PCED1B: variants seen among roughly 807,000 people sequenced by gnomAD.
The protein encoded by PCED1B is PC-esterase domain-containing protein 1B.
For missense variants in PCED1B, 573 were observed against 573.9 expected (o/e 1.00, Z 0.02); for synonymous variants, 251 against 246.1 (o/e 1.02, Z -0.19).
At chr12:47,100,855 A>T (rs1938672642) in intron 1 of PCED1B, among the ~76,000 whole-genome samples, 1 of 152,032 alleles carries the variant, frequency 6.6e-6, no homozygotes, top group Non-Finnish European at 1.5e-5. Flanking sequence ...ATCATCTGAG[A>T]TCAGGAGTTC....
intron 3 of PCED1B, among the ~76,000 whole-genome samples, 177 bp from the exon 4 acceptor site, chr12:47,234,830 C>G (rs1283092593): frequency 6.6e-6 from 1 of 152,148 alleles, no homozygotes; most frequent in African/African-American, 2.4e-5. Flanking sequence ...CCTGCCCTCT[C>G]GCCAATCTCC....
At chr12:47,168,298 C>T (rs77115398) in intron 2 of PCED1B, among the ~76,000 whole-genome samples, 3,329 of 152,202 alleles carry the variant, frequency 0.022, 96 homozygotes, top group African/African-American at 0.063. Flanking sequence ...ATTGTGTTAG[C>T]TTATATTTTG....
chr12:47,109,468 G>GA (rs34146205), intron 2 of PCED1B, among the ~76,000 whole-genome samples: 3,085 of 152,010 alleles, frequency 0.02, 46 homozygotes, highest in Non-Finnish European at 0.034. Flanking sequence ...TTTAGTTGAG[G>GA]ATTCTGGGAA....
chr12:47,090,699 A>G (rs1938225920), intron 1 of PCED1B, among the ~76,000 whole-genome samples: 1 of 152,244 alleles, frequency 6.6e-6, no homozygotes, highest in South Asian at 2.1e-4. Context: ...AATGGAATAT[A>G]TGCTTTTTTG....
chr12:47,186,238 G>T (rs1942262225), intron 2 of PCED1B, among the ~76,000 whole-genome samples: 1 of 148,842 alleles, frequency 6.7e-6, no homozygotes, highest in South Asian at 2.1e-4. Flanking sequence ...AAAAAAAAAA[G>T]AACTTGAACT....
At chr12:47,153,355 CAAAAAAAA>C in intron 2 of PCED1B, among the ~76,000 whole-genome samples, 1 of 95,272 alleles carries the variant, frequency 1.0e-5, no homozygotes, top group Middle Eastern at 5.5e-3. Context: ...GACTCCTTCT[CAAAAAAAA>C]AAAAAAAAAA....
chr12:47,102,667 G>GT (rs1432923253), intron 1 of PCED1B, among the ~76,000 whole-genome samples: 3 of 152,264 alleles, frequency 2.0e-5, no homozygotes, highest in Non-Finnish European at 4.4e-5. Flanking sequence ...TCGCTTGTGT[G>GT]TCCAATGGGC....
intron 2 of PCED1B, among the ~76,000 whole-genome samples, chr12:47,168,727 T>C (rs1941623908): frequency 6.6e-6 from 1 of 152,186 alleles, no homozygotes; most frequent in African/African-American, 2.4e-5. Flanking sequence ...GAAATAATTT[T>C]GAATTTTGGT....
At chr12:47,188,784 G>T (rs968950076) in intron 2 of PCED1B, among the ~76,000 whole-genome samples, 1 of 152,180 alleles carries the variant, frequency 6.6e-6, no homozygotes, top group Non-Finnish European at 1.5e-5. Context: ...GAACTCAGAG[G>T]ACCATTGGGA....
At chr12:47,091,524 A>G (rs1014956529) in intron 1 of PCED1B, among the ~76,000 whole-genome samples, 1 of 152,002 alleles carries the variant, frequency 6.6e-6, no homozygotes, top group African/African-American at 2.4e-5. Context: ...AATTTGGGGG[A>G]ACAGAAGTTT....
intron 2 of PCED1B, among the ~76,000 whole-genome samples, chr12:47,114,856 A>G (rs1343232430): frequency 1.3e-5 from 2 of 152,144 alleles, no homozygotes; most frequent in South Asian, 2.1e-4. Flanking sequence ...TTACACTTTC[A>G]TTTTTCCTGC....
At chr12:47,222,301 A>G (rs1943506177) in intron 3 of PCED1B, among the ~76,000 whole-genome samples, 1 of 151,170 alleles carries the variant, frequency 6.6e-6, no homozygotes, top group Admixed American at 6.6e-5. Flanking sequence ...ACGTGCCTGT[A>G]ATTCCAGCTA....
Position 47,236,216 on chromosome 12 carries a change from C to T in PCED1B, c.1153C>T (p.Pro385Ser), listed in dbSNP as rs1943981049. 1 of 1,614,122 alleles carries T rather than the reference C, an allele frequency of 6.2e-7. No individual in the cohort carries two copies. The highest frequency in any genetic ancestry group is 8.5e-7 in the Non-Finnish European group (1 of 1,180,026). The change falls in exon 4 of 4, where the codon CCC becomes TCC. Residue 385 changes from proline to serine, a missense_variant. Coordinates refer to ENST00000546455, the MANE Select transcript of PCED1B (RefSeq NM_138371.3). ...TCCTCAGCTGCCTATGCCCTTCTTC[C>T]CCACACCCCGTTATCAGCGGCCTGC... ...VGPQLPMPFF[P>S]TPRYQRPAPV...
intron 1 of PCED1B, among the ~76,000 whole-genome samples, chr12:47,084,214 C>T (rs1447785593): frequency 1.3e-5 from 2 of 152,130 alleles, no homozygotes; most frequent in Non-Finnish European, 1.5e-5. Context: ...TGAGCAAAAT[C>T]GTCTAACACA....
intron 1 of PCED1B, among the ~76,000 whole-genome samples, chr12:47,100,019 G>A (rs959055102): frequency 2.0e-5 from 3 of 152,108 alleles, no homozygotes; most frequent in Non-Finnish European, 4.4e-5. Context: ...TTACATACTT[G>A]GAAAAAGGAC....
At chr12:47,228,879 A>C (rs1430243797) in intron 3 of PCED1B, among the ~76,000 whole-genome samples, 1 of 151,388 alleles carries the variant, frequency 6.6e-6, no homozygotes, top group Non-Finnish European at 1.5e-5. Context: ...GTCTCAAAAA[A>C]AAAAAGTTAC....
chr12:47,158,716 T>C (rs567395126), intron 2 of PCED1B, among the ~76,000 whole-genome samples: 1 of 152,324 alleles, frequency 6.6e-6, no homozygotes, highest in South Asian at 2.1e-4. Context: ...ACTGTAATAA[T>C]CAAGTCAGGG....
intron 1 of PCED1B, among the ~76,000 whole-genome samples, chr12:47,101,331 C>A (rs543863061): frequency 2.0e-5 from 3 of 152,238 alleles, no homozygotes; most frequent in African/African-American, 4.8e-5. Context: ...AAATGTTAGT[C>A]ACTGTGATAC....
intron 2 of PCED1B, among the ~76,000 whole-genome samples, chr12:47,170,278 T>A (rs974505028): frequency 1.3e-5 from 2 of 151,904 alleles, no homozygotes; most frequent in Non-Finnish European, 2.9e-5. Context: ...CAAAATGGAG[T>A]CTCCTATGTC....
Sources: allele counts gnomAD v4.1 joint callset (sites outside exome capture counted in the v4.1 genomes callset), GRCh38; gene constraint gnomAD v4.1.1; transcripts MANE v1.5; gene names NCBI Gene and HGNC (gene_info 2026-07-23, HGNC 2026-07-21).